The following MEGF11 variants were observed in gnomAD, a reference collection of about 807,000 sequenced individuals.
The protein encoded by MEGF11 is multiple EGF like domains 11.
A neutral mutation model predicts 146.6 loss-of-function variants in MEGF11; 126 were observed. The observed-to-expected ratio is 0.86, with a 90% CI of 0.74 to 1.00. The LOEUF (loss-of-function observed/expected upper bound fraction) is 1.00. Among genes scored for constraint, MEGF11 ranks in the 50% least tolerant of loss-of-function variants. The pLI, the probability that MEGF11 is intolerant of heterozygous loss-of-function variation, is 0.00. For synonymous variants in MEGF11, 532 were observed against 583.4 expected (o/e 0.91, Z 1.27); for missense variants, 1,509 against 1,521.2 (o/e 0.99, Z 0.13).
intron 5 of MEGF11, among the ~76,000 whole-genome samples, chr15:66,085,200 C>A (rs889661937): frequency 1.3e-5 from 2 of 152,176 alleles, no homozygotes; most frequent in African/African-American, 4.8e-5. Context: ...TGAGCTCAGA[C>A]ATGCCTATGC....
intron 16 of MEGF11, 133 bp from the exon 17 acceptor site, chr15:65,917,089 G>A: frequency 1.0e-6 from 1 of 975,408 alleles, no homozygotes. Flanking sequence ...GCTTTCAGGG[G>A]CTTCATGCAC....
At chr15:66,007,797 A>G (rs1185076569) in intron 5 of MEGF11, among the ~76,000 whole-genome samples, 2 of 152,322 alleles carry the variant, frequency 1.3e-5, no homozygotes, top group African/African-American at 4.8e-5. Flanking sequence ...GCACATTCTC[A>G]TTACCCCTTC....
At chr15:66,007,218 T>C (rs1421457870) in intron 5 of MEGF11, among the ~76,000 whole-genome samples, 1 of 152,208 alleles carries the variant, frequency 6.6e-6, no homozygotes, top group Non-Finnish European at 1.5e-5. Context: ...AGCGTTTACA[T>C]GCATCACTAG....
Position 65,897,896 on chromosome 15 carries a change from T to C in MEGF11, c.*38A>G. 1 of 1,590,470 alleles carries C rather than the reference T, an allele frequency of 6.3e-7. No individual in the cohort carries two copies. The highest frequency in any genetic ancestry group is 8.6e-7 in the Non-Finnish European group (1 of 1,167,022). On this transcript the variant is annotated 3_prime_UTR_variant, in exon 26 of 26. Transcript: ENST00000395614. ...ACTGTCTTCTTTCAGAGTCAGAATA[T>C]TCAGTAGAGCACACTGCAAGAGAGA...
At chr15:66,130,218 G>A (rs535391893) in intron 1 of MEGF11, among the ~76,000 whole-genome samples, 2 of 152,284 alleles carry the variant, frequency 1.3e-5, no homozygotes, top group East Asian at 1.9e-4. Context: ...TGAGCTATGC[G>A]GAGAGTCAAA....
intron 5 of MEGF11, among the ~76,000 whole-genome samples, chr15:65,987,661 C>T (rs1300921910): frequency 2.0e-5 from 3 of 152,150 alleles, no homozygotes; most frequent in Non-Finnish European, 4.4e-5. Flanking sequence ...CAGTAACTCC[C>T]TAGTTCCTCC....
chr15:65,899,484 C>T (rs1027394654), intron 24 of MEGF11, among the ~76,000 whole-genome samples: 1 of 152,172 alleles, frequency 6.6e-6, no homozygotes, highest in African/African-American at 2.4e-5. Flanking sequence ...CTGGTATTAT[C>T]GGTACGTGCC....
At chr15:66,163,114 T>A (rs2141083728) in intron 1 of MEGF11, among the ~76,000 whole-genome samples, 1 of 152,214 alleles carries the variant, frequency 6.6e-6, no homozygotes, top group South Asian at 2.1e-4. Flanking sequence ...ACCCCCAACG[T>A]CTACGGTTAC....
intron 13 of MEGF11, among the ~76,000 whole-genome samples, chr15:65,923,867 T>TGC (rs1398280244): frequency 1.3e-5 from 2 of 152,180 alleles, no homozygotes; most frequent in Non-Finnish European, 1.5e-5. Flanking sequence ...TGAGGCTGGA[T>TGC]GCCCCAGCTC....
chr15:66,000,636 G>T (rs2082339478), intron 5 of MEGF11, among the ~76,000 whole-genome samples: 1 of 152,144 alleles, frequency 6.6e-6, no homozygotes, highest in South Asian at 2.1e-4. Context: ...GTGTATCAGG[G>T]GTTGATATTA....
At chr15:65,956,797 G>A (rs557626494) in intron 10 of MEGF11, among the ~76,000 whole-genome samples, 220 of 152,304 alleles carry the variant, frequency 1.4e-3, no homozygotes, top group African/African-American at 4.9e-3. Flanking sequence ...CGTAATCAGA[G>A]AAATGCAAAT....
chr15:66,014,456 T>A (rs1245300551), intron 5 of MEGF11, among the ~76,000 whole-genome samples: 1 of 152,238 alleles, frequency 6.6e-6, no homozygotes, highest in African/African-American at 2.4e-5. Context: ...AACAATGACC[T>A]GGCTTCCATT....
Position 65,909,048 on chromosome 15 carries a change from T to C in MEGF11, c.2984A>G (p.Glu995Gly). ...TGGGGTCTGACCTGGTGAGTGTGGCTCAGCGGGGCGGCTGAGGTGTCTAAG... is the reference window on the plus strand; with the variant it reads ...TGGGGTCTGACCTGGTGAGTGTGGCCCAGCGGGGCGGCTGAGGTGTCTAAG... ...IELRHLSRPA[E>G]PHSPGACGMD... is the part of the protein sequence containing the mutation. The change falls in exon 23 of 26, where the codon GAG (glutamate) becomes GGG (glycine). Residue 995 changes from glutamate to glycine, a missense_variant. By Grantham distance (98) the Glu-to-Gly change is moderately conservative. Transcript: ENST00000395614. 1 of 1,535,434 alleles carries C rather than the reference T, an allele frequency of 6.5e-7. No individual in the cohort carries two copies. The highest frequency in any genetic ancestry group is 8.7e-7 in the Non-Finnish European group (1 of 1,146,490).
rs531083745 is a variant in MEGF11, at chr15:65,957,778, C to T, written c.1113-57G>A. 12 of 1,566,176 alleles carry T rather than the reference C, an allele frequency of 7.7e-6. No homozygotes were observed. In the East Asian group the frequency reaches 2.7e-4, roughly 35 times the overall value. The stretch of plus-strand genomic sequence containing the variant: ...CTTGTTCTGGGAAGCAGCCATGTCC[C>T]CGCCCTCTGTCTACCCCAAGCCTGG... On this transcript the variant is annotated intron_variant, in intron 9 of 25. Transcript: ENST00000395614.
chr15:65,994,521 G>A (rs1034135908), intron 5 of MEGF11, among the ~76,000 whole-genome samples: 3 of 152,226 alleles, frequency 2.0e-5, no homozygotes, highest in African/African-American at 7.2e-5. Context: ...GGGTGGGAAA[G>A]AGGAGTGAGA....
chr15:65,996,212 CAG>C (rs950809464), intron 5 of MEGF11, among the ~76,000 whole-genome samples: 3 of 152,156 alleles, frequency 2.0e-5, no homozygotes, highest in African/African-American at 7.2e-5. Flanking sequence ...TTCCATCTCT[CAG>C]AGTCACCTGG....
intron 5 of MEGF11, among the ~76,000 whole-genome samples, chr15:66,018,421 C>T (rs1008077820): frequency 7.2e-5 from 11 of 152,226 alleles, no homozygotes; most frequent in African/African-American, 2.7e-4. Context: ...GAGAGTGGGG[C>T]TACAGGCAGC....
At chr15:65,932,371 G>A (rs796867910) in intron 10 of MEGF11, among the ~76,000 whole-genome samples, 2 of 152,300 alleles carry the variant, frequency 1.3e-5, no homozygotes, top group African/African-American at 2.4e-5. Flanking sequence ...GGGGAAGAAT[G>A]AGTGCTTCTG....
intron 1 of MEGF11, among the ~76,000 whole-genome samples, chr15:66,169,761 G>T (rs1422359472): frequency 6.6e-6 from 1 of 152,196 alleles, no homozygotes; most frequent in African/African-American, 2.4e-5. Flanking sequence ...CTTGACCCCG[G>T]GTGGTTGGGT....
Sources: allele counts gnomAD v4.1 joint callset (sites outside exome capture counted in the v4.1 genomes callset), GRCh38; gene constraint gnomAD v4.1.1; transcripts MANE v1.5; gene names NCBI Gene and HGNC (gene_info 2026-07-23, HGNC 2026-07-21).